Variants in RBM47 observed in about 807,000 individuals in gnomAD.
RBM47 encodes the protein RNA-binding protein 47.
Under a neutral mutation model 47.1 loss-of-function variants are expected in RBM47, and 21 were observed. The ratio of observed to expected loss-of-function variants is 0.45; its 90% CI spans 0.32 to 0.64. The LOEUF is 0.64. Ranked by LOEUF, RBM47 falls within the 30% of genes least tolerant of loss-of-function variation. RBM47 has a pLI of 0.05. For missense variants in RBM47, 708 were observed against 870.9 expected (o/e 0.81, Z 2.35); for synonymous variants, 375 against 361.7 (o/e 1.04, Z -0.42).
intron 1 of RBM47, among the ~76,000 whole-genome samples, chr4:40,565,194 A>T (rs1479153778): frequency 6.6e-6 from 1 of 152,214 alleles, no homozygotes; most frequent in African/African-American, 2.4e-5. Flanking sequence ...ATTTTCATTA[A>T]TGAGCTGTGA....
chr4:40,426,165 G>T, intron 6 of RBM47, 22 bp from the exon 7 acceptor site: 1 of 1,610,360 alleles, frequency 6.2e-7, no homozygotes, highest in South Asian at 1.1e-5. Flanking sequence ...AGACAAAAAG[G>T]AGCCTTCCTG....
intron 1 of RBM47, among the ~76,000 whole-genome samples, chr4:40,593,036 C>A (rs548255007): frequency 1.8e-5 from 2 of 112,018 alleles, no homozygotes; most frequent in African/African-American, 3.5e-5. Flanking sequence ...GGCTCTGTCG[C>A]CCAGGCTGGA....
chr4:40,618,359 T>C (rs747311163), intron 1 of RBM47, among the ~76,000 whole-genome samples: 38 of 151,738 alleles, frequency 2.5e-4, no homozygotes, highest in Admixed American at 9.2e-4. Context: ...GAGCCCAAGA[T>C]TTTACAGTGA....
intron 3 of RBM47, among the ~76,000 whole-genome samples, chr4:40,464,845 C>G (rs1200867731): frequency 7.5e-6 from 1 of 134,176 alleles, no homozygotes; most frequent in Non-Finnish European, 1.5e-5. Flanking sequence ...GAGCCGAGAT[C>G]GCGCCACTGC....
chr4:40,469,152 T>A (rs1329724179), intron 2 of RBM47, among the ~76,000 whole-genome samples: 1 of 152,214 alleles, frequency 6.6e-6, no homozygotes, highest in Non-Finnish European at 1.5e-5. Flanking sequence ...GAGTTTTCAC[T>A]CTTTCTGTAA....
intron 1 of RBM47, among the ~76,000 whole-genome samples, chr4:40,591,184 G>C (rs1013811727): frequency 1.3e-5 from 2 of 152,138 alleles, no homozygotes; most frequent in African/African-American, 4.8e-5. Context: ...CAGGGGCTGG[G>C]GGAAGGTGGG....
intron 1 of RBM47, among the ~76,000 whole-genome samples, chr4:40,549,109 T>TGGG (rs369365106): frequency 0.026 from 3,768 of 146,680 alleles, 115 homozygotes; most frequent in African/African-American, 0.074. Flanking sequence ...TCTTTTTTTT[T>TGGG]GGGGGGGGGG....
chr4:40,589,281 T>C (rs114219493), intron 1 of RBM47, among the ~76,000 whole-genome samples: 227 of 152,222 alleles, frequency 1.5e-3, no homozygotes, highest in African/African-American at 5.3e-3. Context: ...AGGTTTCTTT[T>C]TGAAGTGATT....
chr4:40,465,512 A>C (rs568158452), intron 3 of RBM47, among the ~76,000 whole-genome samples: 1 of 152,230 alleles, frequency 6.6e-6, no homozygotes, highest in East Asian at 1.9e-4. Flanking sequence ...ATACAAAAAA[A>C]TTAGCTGGGC....
chr4:40,510,157 A>C (rs1358619561), intron 2 of RBM47, among the ~76,000 whole-genome samples: 1 of 144,564 alleles, frequency 6.9e-6, no homozygotes, highest in Non-Finnish European at 1.5e-5. Context: ...ATTGCACTCC[A>C]GCCTGGGCAA....
intron 3 of RBM47, among the ~76,000 whole-genome samples, chr4:40,454,099 A>C (rs1387872409): frequency 6.6e-6 from 1 of 152,148 alleles, no homozygotes; most frequent in Non-Finnish European, 1.5e-5. Context: ...CCATTCGTTT[A>C]CATATAGTCT....
intron 1 of RBM47, among the ~76,000 whole-genome samples, chr4:40,555,393 T>G (rs753539975): frequency 6.6e-6 from 1 of 152,202 alleles, no homozygotes; most frequent in Non-Finnish European, 1.5e-5. Flanking sequence ...CTAATGAGAC[T>G]CTCTACAGCC....
chr4:40,477,439 A>C (rs1301979830), intron 2 of RBM47, among the ~76,000 whole-genome samples: 1 of 152,206 alleles, frequency 6.6e-6, no homozygotes, highest in African/African-American at 2.4e-5. Context: ...TCAGTTACTA[A>C]GGCAGTGTTT....
chr4:40,579,416 T>C (rs1160982181), intron 1 of RBM47, among the ~76,000 whole-genome samples: 3 of 77,162 alleles, frequency 3.9e-5, no homozygotes, highest in Non-Finnish European at 7.1e-5. Context: ...AGCGAGACCC[T>C]GTCTCAGAAA....
At position 40,438,341 on chromosome 4, in the gene RBM47, C is replaced by T; in HGVS notation, c.553G>A (p.Ala185Thr). 1 of 1,610,420 alleles carries T rather than the reference C, an allele frequency of 6.2e-7. No individual in the cohort carries two copies. Among genetic ancestry groups the T allele is most frequent in the Non-Finnish European group, 8.5e-7 (1 of 1,179,936 alleles). ...TEGVLDVIVY[A>T]SAADKMKNRG... ...TTCTTCATCTTGTCGGCCGCGCTGGCGTAGACGATCACGTCCAGCACGCCC... is the reference window on the plus strand; with the variant it reads ...TTCTTCATCTTGTCGGCCGCGCTGGTGTAGACGATCACGTCCAGCACGCCC... The change falls in exon 4 of 7, where the codon GCC (alanine) becomes ACC (threonine). Residue 185 changes from alanine (A) to threonine (T), a missense_variant. Coordinates refer to ENST00000295971, the MANE Select transcript of RBM47 (RefSeq NM_001098634.2).
chr4:40,465,613 C>T (rs1332490706), intron 3 of RBM47, among the ~76,000 whole-genome samples: 4 of 151,594 alleles, frequency 2.6e-5, no homozygotes, highest in South Asian at 4.2e-4. Context: ...CGGGAGGCGG[C>T]GGCTGCAGTG....
chr4:40,558,073 A>C (rs1302470235), intron 1 of RBM47, among the ~76,000 whole-genome samples: 3 of 152,140 alleles, frequency 2.0e-5, no homozygotes, highest in Non-Finnish European at 4.4e-5. Context: ...GGAGTTTTGC[A>C]CCTAATCTTT....
chr4:40,572,104 C>A (rs1731784916), intron 1 of RBM47, among the ~76,000 whole-genome samples: 1 of 148,708 alleles, frequency 6.7e-6, no homozygotes, highest in Admixed American at 6.7e-5. Flanking sequence ...AAAAAAAAAC[C>A]CACCAGGTGT....
chr4:40,588,748 A>C (rs1425640440), intron 1 of RBM47, among the ~76,000 whole-genome samples: 1 of 152,132 alleles, frequency 6.6e-6, no homozygotes, highest in African/African-American at 2.4e-5. Flanking sequence ...GACTCCAAAA[A>C]GAGATCCTGA....
Sources: gnomAD v4.1 joint callset for allele counts (sites outside exome capture counted in the v4.1 genomes callset) on GRCh38, gnomAD v4.1.1 for gene constraint, MANE v1.5 for transcripts, NCBI Gene and HGNC (gene_info 2026-07-23, HGNC 2026-07-21) for gene names.